L3MBTL4: variants seen among roughly 807,000 people sequenced by gnomAD.
L3MBTL4 encodes the protein L3MBTL histone methyl-lysine binding protein 4.
In L3MBTL4, 70 loss-of-function variants were observed where a neutral mutation model predicts 84.5. The observed-to-expected ratio is 0.83, with a 90% CI of 0.68 to 1.01. L3MBTL4 has a LOEUF of 1.01. L3MBTL4 is among the 50% of genes least tolerant of loss of function. The pLI, the probability that L3MBTL4 is intolerant of heterozygous loss-of-function variation, is 0.00. For missense variants in L3MBTL4, 715 were observed against 754.8 expected (o/e 0.95, Z 0.62); for synonymous variants, 274 against 259.8 (o/e 1.05, Z -0.52).
At chr18:6,094,226 T>TCTCCA (rs1352925355) in intron 14 of L3MBTL4, among the ~76,000 whole-genome samples, 1 of 152,156 alleles carries the variant, frequency 6.6e-6, no homozygotes, top group Non-Finnish European at 1.5e-5. Flanking sequence ...TGATGGGCTG[T>TCTCCA]CTCCATTAGA....
chr18:6,108,987 G>T (rs995602473), intron 14 of L3MBTL4, among the ~76,000 whole-genome samples: 1 of 152,086 alleles, frequency 6.6e-6, no homozygotes, highest in Admixed American at 6.5e-5. Context: ...TATTCTCCAG[G>T]GTCCTGGAAC....
intron 16 of L3MBTL4, chr18:6,046,746 G>A (rs1340140950): frequency 1.3e-6 from 1 of 775,210 alleles, no homozygotes; most frequent in Non-Finnish European, 2.4e-6. Flanking sequence ...CTGGGATGCA[G>A]CACAAGCACT....
At chr18:6,248,660 C>T (rs754892977) in intron 5 of L3MBTL4, among the ~76,000 whole-genome samples, 1 of 152,084 alleles carries the variant, frequency 6.6e-6, no homozygotes, top group Non-Finnish European at 1.5e-5. Flanking sequence ...TTTCTTATTT[C>T]CCCTTCTTTC....
chr18:6,147,849 T>C (rs2042720609), intron 13 of L3MBTL4, among the ~76,000 whole-genome samples: 1 of 152,204 alleles, frequency 6.6e-6, no homozygotes, highest in Admixed American at 6.5e-5. Context: ...AATAAAGAAC[T>C]GGCAAATATT....
chr18:6,003,042 T>A (rs1465729271), intron 16 of L3MBTL4, among the ~76,000 whole-genome samples: 1 of 117,466 alleles, frequency 8.5e-6, no homozygotes, highest in African/African-American at 3.3e-5. Flanking sequence ...TTTATAGAGA[T>A]ACTATATAAA....
At chr18:6,385,421 AT>A (rs1289679050) in intron 1 of L3MBTL4, among the ~76,000 whole-genome samples, 1 of 152,138 alleles carries the variant, frequency 6.6e-6, no homozygotes, top group African/African-American at 2.4e-5. Context: ...TAAATAATAC[AT>A]TAAAATTAAA....
intron 1 of L3MBTL4, among the ~76,000 whole-genome samples, chr18:6,410,739 A>G (rs1206329282): frequency 6.6e-6 from 1 of 152,220 alleles, no homozygotes; most frequent in Non-Finnish European, 1.5e-5. Context: ...TTTTCAAACA[A>G]TTTATTAATC....
chr18:6,098,823 G>T (rs903263265), intron 14 of L3MBTL4, among the ~76,000 whole-genome samples: 1 of 152,166 alleles, frequency 6.6e-6, no homozygotes, highest in Non-Finnish European at 1.5e-5. Context: ...TCTCTTAACT[G>T]AGAGGTCAGA....
At chr18:6,064,283 G>C (rs1251660508) in intron 16 of L3MBTL4, among the ~76,000 whole-genome samples, 2 of 151,864 alleles carry the variant, frequency 1.3e-5, no homozygotes, top group African/African-American at 4.8e-5. Context: ...ATTTGAAGTT[G>C]GGTAATGTGA....
At chr18:5,979,430 G>T (rs1177893737) in intron 16 of L3MBTL4, among the ~76,000 whole-genome samples, 2 of 152,160 alleles carry the variant, frequency 1.3e-5, no homozygotes, top group Admixed American at 6.5e-5. Context: ...CCCTGCCAGA[G>T]GCCAGGGAAC....
intron 16 of L3MBTL4, among the ~76,000 whole-genome samples, chr18:5,986,909 A>C (rs2053487261): frequency 6.6e-6 from 1 of 152,232 alleles, no homozygotes. Flanking sequence ...CCCTTGTATG[A>C]GATTGTGCTA....
At chr18:6,185,298 G>A (rs915372766) in intron 12 of L3MBTL4, among the ~76,000 whole-genome samples, 5 of 152,176 alleles carry the variant, frequency 3.3e-5, no homozygotes, top group African/African-American at 9.7e-5. Context: ...GGGAAATACC[G>A]CAGTGCTGGA....
intron 12 of L3MBTL4, among the ~76,000 whole-genome samples, chr18:6,192,131 C>T (rs556187834): frequency 9.9e-5 from 15 of 152,182 alleles, no homozygotes; most frequent in East Asian, 9.7e-4. Flanking sequence ...GAAGAGAATG[C>T]GGTGCCCTGG....
chr18:6,277,161 T>C (rs1751318779), intron 4 of L3MBTL4, among the ~76,000 whole-genome samples: 1 of 138,026 alleles, frequency 7.2e-6, no homozygotes, highest in East Asian at 2.6e-4. Flanking sequence ...GGGGGAGGGA[T>C]AGTATTGGGA....
chr18:6,234,781 T>C (rs935727650), intron 10 of L3MBTL4, among the ~76,000 whole-genome samples: 1 of 152,136 alleles, frequency 6.6e-6, no homozygotes, highest in Non-Finnish European at 1.5e-5. Flanking sequence ...GATCTAGAAC[T>C]AGAAATACCA....
At chr18:6,308,696 T>C (rs113414313) in intron 3 of L3MBTL4, among the ~76,000 whole-genome samples, 1 of 152,100 alleles carries the variant, frequency 6.6e-6, no homozygotes, top group African/African-American at 2.4e-5. Flanking sequence ...GTGCGCCCAT[T>C]TGGGATGTGT....
intron 16 of L3MBTL4, among the ~76,000 whole-genome samples, chr18:6,033,931 C>T (rs115149906): frequency 0.016 from 2,375 of 152,240 alleles, 72 homozygotes; most frequent in African/African-American, 0.054. Flanking sequence ...TATGGAGTTA[C>T]AAACCATTGT....
At chr18:6,061,494 A>T (rs1464034257) in intron 16 of L3MBTL4, among the ~76,000 whole-genome samples, 1 of 152,054 alleles carries the variant, frequency 6.6e-6, no homozygotes, top group African/African-American at 2.4e-5. Context: ...GTTTTAATAA[A>T]GTCCAACTTA....
intron 12 of L3MBTL4, among the ~76,000 whole-genome samples, chr18:6,183,427 T>C (rs951253835): frequency 3.3e-5 from 5 of 152,204 alleles, no homozygotes; most frequent in Non-Finnish European, 7.4e-5. Context: ...GATGTAAAGG[T>C]CGTTGCCTTT....
Sources: allele counts gnomAD v4.1 joint callset (sites outside exome capture counted in the v4.1 genomes callset), GRCh38; gene constraint gnomAD v4.1.1; transcripts MANE v1.5; gene names NCBI Gene and HGNC (gene_info 2026-07-23, HGNC 2026-07-21).